Variants in VPS54 observed in about 807,000 individuals in gnomAD.
VPS54 encodes the protein vacuolar protein sorting-associated protein 54.
VPS54 carries 45 observed loss-of-function variants against 121.5 expected under a neutral mutation model. That is an observed-to-expected ratio of 0.37 (90% CI 0.29 to 0.47). The LOEUF (loss-of-function observed/expected upper bound fraction) is 0.47. VPS54 is among the 20% of genes least tolerant of loss of function. The pLI is 0.99. For synonymous variants in VPS54, 371 were observed against 385.8 expected, an observed-to-expected ratio of 0.96 and a Z score of 0.45; for missense variants, 1,090 against 1,131.4, an observed-to-expected ratio of 0.96 and a Z score of 0.52.
At chr2:63,987,894 AATCT>A (rs1677127393) in intron 1 of VPS54, among the ~76,000 whole-genome samples, 1 of 152,142 alleles carries the variant, frequency 6.6e-6, no homozygotes. Context: ...AACTTTACTG[AATCT>A]ATCACTTCTA....
intron 20 of VPS54, among the ~76,000 whole-genome samples, chr2:63,902,742 G>T (rs1672735428): frequency 6.6e-6 from 1 of 152,186 alleles, no homozygotes; most frequent in African/African-American, 2.4e-5. Flanking sequence ...GCTGAGGCGG[G>T]TGGATCACCT....
intron 1 of VPS54, among the ~76,000 whole-genome samples, chr2:64,011,443 G>A (rs539742907): frequency 6.6e-6 from 1 of 152,238 alleles, no homozygotes; most frequent in Non-Finnish European, 1.5e-5. Context: ...GTGCACGCCT[G>A]TAGTCCCAGC....
rs183171432 is a variant in VPS54, at chr2:63,997,141, C to A, written c.-20-13122G>T. On this transcript the variant is annotated intron_variant, in intron 1 of 22. Coordinates refer to ENST00000272322, the MANE Select transcript of VPS54 (RefSeq NM_016516.3). ...TTGAAATACAGGGGGCTGGTTCCCC[C>A]GTTAGACATAGGCCTGCAGTTTCGT... Among the ~76,000 whole-genome samples, 223 of 152,248 alleles carry A rather than the reference C, an allele frequency of 1.5e-3. 1 individual carries two copies. Among genetic ancestry groups the A allele is most frequent in the African/African-American group, 5.2e-3 (216 of 41,540 alleles).
chr2:63,921,076 TG>T, intron 13 of VPS54, 129 bp downstream of exon 13: 10 of 970,046 alleles, frequency 1.0e-5, no homozygotes, highest in Non-Finnish European at 1.4e-5. Flanking sequence ...ACCACATCAG[TG>T]GTAACACTGA....
chr2:63,932,190 T>C (rs1420410389), intron 12 of VPS54, among the ~76,000 whole-genome samples: 3 of 152,222 alleles, frequency 2.0e-5, no homozygotes, highest in Non-Finnish European at 2.9e-5. Context: ...GATTCTACGA[T>C]GAAGACACAT....
chr2:63,941,582 T>C (rs1674733719), intron 11 of VPS54, among the ~76,000 whole-genome samples: 1 of 152,218 alleles, frequency 6.6e-6, no homozygotes, highest in South Asian at 2.1e-4. Context: ...CAGTATGTAT[T>C]AGAGTCTGAC....
At chr2:63,939,019 T>C (rs1398232560) in intron 11 of VPS54, among the ~76,000 whole-genome samples, 1 of 152,152 alleles carries the variant, frequency 6.6e-6, no homozygotes, top group African/African-American at 2.4e-5. Context: ...AATTTATAAA[T>C]CCCAATAGCT....
At chr2:63,897,459 A>T (rs1373364412) in intron 22 of VPS54, 37 bp downstream of exon 22, 1 of 1,333,478 alleles carries the variant, frequency 7.5e-7, no homozygotes, top group Non-Finnish European at 1.1e-6. Flanking sequence ...AAACAATTCG[A>T]TATGGGAGTA....
intron 4 of VPS54, among the ~76,000 whole-genome samples, chr2:63,970,288 T>TATATAG (rs1184818434): frequency 6.8e-6 from 1 of 146,090 alleles, no homozygotes; most frequent in African/African-American, 2.5e-5. Context: ...TATATAGATA[T>TATATAG]ATATAGATAT....
intron 9 of VPS54, among the ~76,000 whole-genome samples, chr2:63,946,817 G>T (rs1424877949): frequency 6.6e-6 from 1 of 151,872 alleles, no homozygotes; most frequent in African/African-American, 2.4e-5. Flanking sequence ...GTATAAATTG[G>T]CAAATCTTTT....
At chr2:63,923,831 G>A (rs909672501) in intron 12 of VPS54, among the ~76,000 whole-genome samples, 13 of 152,130 alleles carry the variant, frequency 8.5e-5, no homozygotes, top group African/African-American at 3.1e-4. Context: ...CACTAACAAA[G>A]TTAGAACGTC....
At position 63,935,866 on chromosome 2, in the gene VPS54, C is replaced by A. The variant is rs567236930; in HGVS notation, c.1399-1853G>T. On this transcript the variant is annotated intron_variant, in intron 11 of 22. Coordinates refer to ENST00000272322, the MANE Select transcript of VPS54 (RefSeq NM_016516.3). The stretch of plus-strand genomic sequence containing the variant: ...GAAGAAAAACTCCAGGTGAAAAATT[C>A]TAAATTTGGCTTAATCGATAAAGGA... Among the ~76,000 whole-genome samples, 17 of 152,214 alleles carry A rather than the reference C, an allele frequency of 1.1e-4. No homozygotes were observed. The South Asian group carries it at 3.3e-3, about 30-fold the overall frequency.
intron 1 of VPS54, among the ~76,000 whole-genome samples, chr2:63,998,349 T>C (rs980146027): frequency 6.6e-6 from 1 of 152,216 alleles, no homozygotes; most frequent in African/African-American, 2.4e-5. Context: ...GGTCCTGTTT[T>C]TCTATCCATG....
At chr2:63,902,225 G>C (rs544415079) in intron 20 of VPS54, among the ~76,000 whole-genome samples, 6 of 152,136 alleles carry the variant, frequency 3.9e-5, no homozygotes, top group African/African-American at 4.8e-5. Flanking sequence ...TGAGAGTCTG[G>C]AGAAAGACTC....
At chr2:63,936,314 T>G (rs1674450618) in intron 11 of VPS54, among the ~76,000 whole-genome samples, 1 of 152,140 alleles carries the variant, frequency 6.6e-6, no homozygotes, top group Admixed American at 6.6e-5. Flanking sequence ...TTCTTAAGAA[T>G]GCCAGAAGAC....
At chr2:63,981,988 G>T (rs1327696375) in intron 2 of VPS54, 101 bp from the exon 3 acceptor site, 2 of 1,227,504 alleles carry the variant, frequency 1.6e-6, no homozygotes, top group East Asian at 5.1e-5. Flanking sequence ...TCCATCTTAC[G>T]CAAACCAACT....
At chr2:63,938,504 A>T (rs1674570673) in intron 11 of VPS54, among the ~76,000 whole-genome samples, 2 of 151,672 alleles carry the variant, frequency 1.3e-5, no homozygotes, top group African/African-American at 2.4e-5. Context: ...CGCTCTTGTC[A>T]CCCAAGCTGG....
chr2:63,941,457 G>C (rs1674727862), intron 11 of VPS54, among the ~76,000 whole-genome samples: 1 of 152,130 alleles, frequency 6.6e-6, no homozygotes, highest in African/African-American at 2.4e-5. Context: ...AAACTCCTGA[G>C]CTCAAGTGAT....
intron 1 of VPS54, among the ~76,000 whole-genome samples, chr2:63,985,680 TACACACACACACACACAC>T (rs3079061): frequency 2.1e-5 from 3 of 145,040 alleles, no homozygotes; most frequent in Admixed American, 1.4e-4. Context: ...TGACAAATTA[TACACACACACACACACAC>T]ACACACACAC....
Sources: gnomAD v4.1 joint callset for allele counts (sites outside exome capture counted in the v4.1 genomes callset) on GRCh38, gnomAD v4.1.1 for gene constraint, MANE v1.5 for transcripts, NCBI Gene and HGNC (gene_info 2026-07-23, HGNC 2026-07-21) for gene names.